ZNF618: variants seen among roughly 807,000 people sequenced by gnomAD.
ZNF618 encodes zinc finger protein 618.
In ZNF618, 34 loss-of-function variants were observed where a neutral mutation model predicts 103.0. The ratio of observed to expected loss-of-function variants is 0.33; its 90% CI spans 0.25 to 0.44. The LOEUF (loss-of-function observed/expected upper bound fraction) is 0.44, where lower values mean the gene tolerates loss of function less well. ZNF618 is among the 20% of genes least tolerant of loss of function. The probability of loss-of-function intolerance (pLI) is 1.00; values close to 1 mark genes in which losing one functional copy is unlikely to be tolerated. For missense variants in ZNF618, 1,059 were observed against 1,295.4 expected, an observed-to-expected ratio of 0.82 and a Z score of 2.80; for synonymous variants, 551 against 542.2, an observed-to-expected ratio of 1.02 and a Z score of -0.23.
intron 10 of ZNF618, among the ~76,000 whole-genome samples, chr9:114,023,311 A>G (rs1197187286): frequency 6.6e-6 from 1 of 151,990 alleles, no homozygotes; most frequent in Non-Finnish European, 1.5e-5. Flanking sequence ...TATGATTTAT[A>G]ATATACATGT....
intron 1 of ZNF618, among the ~76,000 whole-genome samples, chr9:113,877,617 C>T (rs918459154): frequency 6.6e-6 from 1 of 151,220 alleles, no homozygotes; most frequent in Non-Finnish European, 1.5e-5. Flanking sequence ...CAGTGAAATC[C>T]TTTCTTTCTT....
In ZNF618 at chr9:114,028,719, C is replaced by G. The variant is rs944921177; in HGVS notation, c.845-14C>G. The G allele has an allele frequency of 4.4e-5, 68 of 1,546,882 alleles. No homozygotes were observed. The East Asian group carries it at 1.6e-3, about 36-fold the overall frequency. On this transcript the variant is annotated splice_polypyrimidine_tract_variant and intron_variant, in intron 10 of 14. Transcript: ENST00000374126. ...TGGGAGGGCCCTCGGGGACTGAGAG[C>G]GTGACCCTCTCAGGTACTGCCCCCG...
At chr9:114,015,289 A>G (rs1842563533) in intron 9 of ZNF618, among the ~76,000 whole-genome samples, 2 of 152,256 alleles carry the variant, frequency 1.3e-5, no homozygotes, top group Non-Finnish European at 2.9e-5. Context: ...GAGTTTAGCC[A>G]TTTCATAAAT....
chr9:113,921,561 C>A (rs1157428906), intron 1 of ZNF618, among the ~76,000 whole-genome samples: 1 of 152,214 alleles, frequency 6.6e-6, no homozygotes, highest in African/African-American at 2.4e-5. Flanking sequence ...GAAGATGAAA[C>A]CCCGGAGGCA....
At chr9:113,886,587 A>C in intron 1 of ZNF618, among the ~76,000 whole-genome samples, 1 of 152,218 alleles carries the variant, frequency 6.6e-6, no homozygotes, top group Admixed American at 6.5e-5. Flanking sequence ...AAAAGCAGAA[A>C]GTGAAACTGA....
intron 3 of ZNF618, among the ~76,000 whole-genome samples, chr9:113,991,993 A>C (rs182807579): frequency 1.7e-3 from 252 of 152,298 alleles, no homozygotes; most frequent in African/African-American, 5.8e-3. Flanking sequence ...TTTTCTTCCA[A>C]GGGTCAGGCT....
At chr9:113,925,466 CTGA>C (rs1833009152) in intron 1 of ZNF618, among the ~76,000 whole-genome samples, 1 of 141,422 alleles carries the variant, frequency 7.1e-6, no homozygotes, top group African/African-American at 2.6e-5. Flanking sequence ...TCAATCCTTT[CTGA>C]TGATCTCTGT....
At chr9:113,884,844 G>A (rs775122842) in intron 1 of ZNF618, among the ~76,000 whole-genome samples, 4 of 152,024 alleles carry the variant, frequency 2.6e-5, no homozygotes, top group Non-Finnish European at 4.4e-5. Context: ...GAAGAAGGTG[G>A]AGTGACTTAC....
rs562522752 is a variant in ZNF618 at position 114,011,574 on chromosome 9, C to T, written c.754+3020C>T. On this transcript the variant is annotated intron_variant, in intron 9 of 14. Transcript: ENST00000374126. ...TTGTGAGACAAAAACGTTGCTTCTT[C>T]GGCTCCTGCTACGTATAAGCAGGCC... Among the ~76,000 whole-genome samples, 13 of 152,300 alleles carry T rather than the reference C, an allele frequency of 8.5e-5. No homozygotes were observed. In the East Asian group the frequency reaches 1.2e-3, roughly 14 times the overall value.
intron 2 of ZNF618, among the ~76,000 whole-genome samples, chr9:113,988,074 A>G (rs1028049130): frequency 1.1e-4 from 17 of 152,136 alleles, no homozygotes; most frequent in South Asian, 2.1e-4. Context: ...AGCTTCCCCA[A>G]CTGTAAAATG....
intron 1 of ZNF618, among the ~76,000 whole-genome samples, chr9:113,915,709 T>A (rs1333041734): frequency 2.6e-5 from 4 of 151,588 alleles, no homozygotes; most frequent in Admixed American, 2.0e-4. Context: ...GTGTGTGGGG[T>A]TTCTGGGGGA....
intron 1 of ZNF618, among the ~76,000 whole-genome samples, chr9:113,960,416 A>G (rs1470527349): frequency 3.3e-5 from 5 of 152,240 alleles, no homozygotes; most frequent in Non-Finnish European, 7.3e-5. Context: ...TGTCAAAGAC[A>G]ACGATGATGA....
At chr9:113,976,313 A>G (rs1838463954) in intron 2 of ZNF618, among the ~76,000 whole-genome samples, 1 of 152,244 alleles carries the variant, frequency 6.6e-6, no homozygotes, top group Admixed American at 6.5e-5. Context: ...CTTCTTGTGA[A>G]CCTGTGGCTG....
rs1048518426 is a variant in ZNF618 at position 113,884,786 on chromosome 9, G to C, written c.33+8373G>C. On this transcript the variant is annotated intron_variant, in intron 1 of 14. Transcript: ENST00000374126. ...AGACACAAACACACAGAGAGAGAGA[G>C]AGAGAGAGAGAGAGAGAGAGAGAGA... Among the ~76,000 whole-genome samples, 156 of 150,860 alleles carry C rather than the reference G, an allele frequency of 1.0e-3. 1 individual carries two copies. Among genetic ancestry groups the C allele is most frequent in the African/African-American group, 3.1e-3 (128 of 40,838 alleles).
intron 1 of ZNF618, among the ~76,000 whole-genome samples, chr9:113,910,174 A>G (rs1229845760): frequency 2.0e-5 from 3 of 151,076 alleles, no homozygotes; most frequent in Non-Finnish European, 2.9e-5. Flanking sequence ...TTGATTTTCC[A>G]CCTCCCCACT....
intron 1 of ZNF618, among the ~76,000 whole-genome samples, chr9:113,923,646 G>T (rs1832836702): frequency 6.6e-6 from 1 of 152,012 alleles, no homozygotes; most frequent in South Asian, 2.1e-4. Context: ...TTTGGTCAGG[G>T]CATACACTTT....
chr9:114,054,346 G>A lies in ZNF618; in HGVS notation c.*4179G>A, dbSNP rs1846327184. 2 of 152,218 alleles carry A rather than the reference G, an allele frequency of 1.3e-5. No individual in the cohort carries two copies. The highest frequency in any genetic ancestry group is 2.9e-5 in the Non-Finnish European group (2 of 68,064). The allele number at this position is 152,218 out of a possible 1,614,324, so 9.4% of individuals were successfully genotyped here. ...ACAGCCTGTGAGATGGCTCCATTGG[G>A]GACACTCCCCTCATCTTGTCATCAC... On this transcript the variant is annotated 3_prime_UTR_variant, in exon 15 of 15. Transcript: ENST00000374126.
At chr9:114,027,517 T>G (rs1278422835) in intron 10 of ZNF618, among the ~76,000 whole-genome samples, 1 of 152,244 alleles carries the variant, frequency 6.6e-6, no homozygotes, top group Admixed American at 6.5e-5. Flanking sequence ...TGAAGGACCA[T>G]AGAGTGGCTT....
At chr9:113,881,007 A>G (rs1192927510) in intron 1 of ZNF618, among the ~76,000 whole-genome samples, 1 of 152,222 alleles carries the variant, frequency 6.6e-6, no homozygotes, top group Non-Finnish European at 1.5e-5. Flanking sequence ...GCTCAGCCAC[A>G]TGGGCAGCCC....
Sources: gnomAD v4.1 joint callset for allele counts (sites outside exome capture counted in the v4.1 genomes callset) on GRCh38, gnomAD v4.1.1 for gene constraint, MANE v1.5 for transcripts, NCBI Gene and HGNC (gene_info 2026-07-23, HGNC 2026-07-21) for gene names.